Variants in POMT2 observed in about 807,000 individuals in gnomAD.
POMT2 encodes the protein protein O-mannosyl-transferase 2.
A neutral mutation model predicts 100.0 loss-of-function variants in POMT2; 75 were observed. That is an observed-to-expected ratio of 0.75 (90% CI 0.62 to 0.91). The LOEUF (loss-of-function observed/expected upper bound fraction) is 0.91, where lower values mean the gene tolerates loss of function less well. Among genes scored for constraint, POMT2 ranks in the 40% least tolerant of loss-of-function variants. The probability of loss-of-function intolerance (pLI) is 0.00; values close to 1 mark genes in which losing one functional copy is unlikely to be tolerated. For missense variants in POMT2, 940 were observed against 955.1 expected, an observed-to-expected ratio of 0.98 and a Z score of 0.21; for synonymous variants, 378 against 374.1, an observed-to-expected ratio of 1.01 and a Z score of -0.12.
chr14:77,284,840 C>A, intron 14 of POMT2, 110 bp downstream of exon 14: 1 of 936,528 alleles, frequency 1.1e-6, no homozygotes, highest in Admixed American at 2.0e-5. Flanking sequence ...AAGGAACAAA[C>A]AGCAGCAAGT....
chr14:77,293,985 T>C (rs1443774015), intron 9 of POMT2, among the ~76,000 whole-genome samples: 1 of 152,180 alleles, frequency 6.6e-6, no homozygotes, highest in Non-Finnish European at 1.5e-5. Context: ...TAGAATAATT[T>C]GGACAGCTTA....
At position 77,311,978 on chromosome 14, in the gene POMT2, A is replaced by G. The variant is rs1891449914; in HGVS notation, c.304T>C (p.Phe102Leu). 4 of 1,614,188 alleles carry G rather than the reference A, an allele frequency of 2.5e-6. No homozygotes were observed. The highest frequency in any genetic ancestry group is 3.4e-6 in the Non-Finnish European group (4 of 1,180,018). The change falls in exon 2 of 21, where the codon TTC becomes CTC. Residue 102 changes from phenylalanine to leucine, a missense_variant. Coordinates refer to ENST00000261534, the MANE Select transcript of POMT2 (RefSeq NM_013382.7). ...MGSYYINRTF[F>L]FDVHPPLGKM... ...CCCAGGGGCGGGTGCACATCAAAGAAAAATGTACGGTTGATATAGTAACTT... is the reference window on the plus strand; with the variant it reads ...CCCAGGGGCGGGTGCACATCAAAGAGAAATGTACGGTTGATATAGTAACTT...
chr14:77,297,016 C>T (rs1890856399), intron 8 of POMT2, among the ~76,000 whole-genome samples: 1 of 152,232 alleles, frequency 6.6e-6, no homozygotes, highest in African/African-American at 2.4e-5. Flanking sequence ...GGGCAAGTGC[C>T]CCACAAAGGC....
At chr14:77,291,289 A>C in intron 10 of POMT2, 25 bp downstream of exon 10, 9 of 1,606,132 alleles carry the variant, frequency 5.6e-6, no homozygotes, top group Non-Finnish European at 2.6e-6. Flanking sequence ...ACAGCACAAG[A>C]AGCATCAGTC....
chr14:77,285,315 G>A (rs771883783), intron 13 of POMT2, 166 bp downstream of exon 13: 4 of 939,694 alleles, frequency 4.3e-6, no homozygotes, highest in African/African-American at 1.7e-5. Flanking sequence ...CTCCCCCGGA[G>A]TTCTGTGCTC....
At chr14:77,280,541 T>C in intron 15 of POMT2, 78 bp from the exon 16 acceptor site, 1 of 1,608,300 alleles carries the variant, frequency 6.2e-7, no homozygotes, top group Non-Finnish European at 8.5e-7. Flanking sequence ...CAGGTTTTTC[T>C]GATATAGGGC....
intron 18 of POMT2, 105 bp from the exon 19 acceptor site, chr14:77,278,974 A>C (rs753126774): frequency 3.7e-5 from 52 of 1,415,590 alleles, no homozygotes; most frequent in Non-Finnish European, 4.7e-5. Flanking sequence ...TGAATATGTC[A>C]TATCACCTCA....
At chr14:77,282,276 C>A (rs539177804) in intron 15 of POMT2, among the ~76,000 whole-genome samples, 1 of 152,326 alleles carries the variant, frequency 6.6e-6, no homozygotes, top group African/African-American at 2.4e-5. Flanking sequence ...CTGCAACCAT[C>A]ACAGGCATAT....
Position 77,302,824 on chromosome 14 carries a change from G to A in POMT2, c.656+11C>T, listed in dbSNP as rs1468796612. The stretch of plus-strand genomic sequence containing the variant: ...TTCCAACCCTCCCCTCCCGGGGATG[G>A]AGTTTCTGACCTGTCGGCGCAAGAG... On this transcript the variant is annotated intron_variant, in intron 5 of 20. Coordinates refer to ENST00000261534, the MANE Select transcript of POMT2 (RefSeq NM_013382.7). The A allele has an allele frequency of 6.2e-7, 1 of 1,602,460 alleles. No individual in the cohort carries two copies. The highest frequency in any genetic ancestry group is 8.5e-7 in the Non-Finnish European group (1 of 1,170,032).
In POMT2 at chr14:77,285,339, A is replaced by G. The variant is rs183724448; in HGVS notation, c.1484+142T>C. The stretch of plus-strand genomic sequence containing the variant: ...AGTTCTGTGCTCCATAATACACCTG[A>G]TATCTACTCTCCCTCCATCTGCCAC... On this transcript the variant is annotated intron_variant, in intron 13 of 20. Coordinates refer to ENST00000261534, the MANE Select transcript of POMT2 (RefSeq NM_013382.7). 1,605 of 1,134,658 alleles carry G rather than the reference A, an allele frequency of 1.4e-3. 3 individuals are homozygous for G. Among genetic ancestry groups the G allele is most frequent in the Non-Finnish European group, 1.9e-3 (1,461 of 784,688 alleles). The allele number at this position is 1,134,658 out of a possible 1,614,324, so 70.3% of individuals were successfully genotyped here.
At chr14:77,312,710 T>A (rs1891483780) in intron 1 of POMT2, 1 of 152,152 alleles carries the variant, frequency 6.6e-6, no homozygotes, top group African/African-American at 2.4e-5. Context: ...AAAATTTAAA[T>A]TAAAAAAAGT....
intron 16 of POMT2, 29 bp downstream of exon 16, chr14:77,280,363 C>T: frequency 2.5e-6 from 4 of 1,613,994 alleles, no homozygotes; most frequent in Non-Finnish European, 3.4e-6. Context: ...GCTCCATTTC[C>T]TGGGAGGAGC....
At chr14:77,296,382 C>A (rs1890832766) in intron 8 of POMT2, 109 bp from the exon 9 acceptor site, 1 of 753,862 alleles carries the variant, frequency 1.3e-6, no homozygotes, top group East Asian at 2.7e-5. Context: ...CTGCGAGACT[C>A]CCCTGGGCCC....
At chr14:77,300,513 T>A (rs1890988034) in intron 6 of POMT2, 1 of 160,770 alleles carries the variant, frequency 6.2e-6, no homozygotes, top group African/African-American at 2.4e-5. Context: ...AGACCGTGGG[T>A]CAGGAAATGA....
intron 2 of POMT2, among the ~76,000 whole-genome samples, chr14:77,308,494 T>G (rs1891313299): frequency 6.6e-6 from 1 of 151,892 alleles, no homozygotes; most frequent in South Asian, 2.1e-4. Flanking sequence ...TAGCTAGGAT[T>G]ACAGGCACCT....
intron 1 of POMT2, 199 bp from the exon 2 acceptor site, chr14:77,312,232 A>C: frequency 1.2e-6 from 1 of 830,700 alleles, no homozygotes; most frequent in Non-Finnish European, 1.8e-6. Flanking sequence ...TCATTTAGAT[A>C]GATGAGAAAG....
At chr14:77,317,284 T>TAC (rs1246527148) in intron 1 of POMT2, among the ~76,000 whole-genome samples, 1 of 152,262 alleles carries the variant, frequency 6.6e-6, no homozygotes, top group Non-Finnish European at 1.5e-5. Context: ...CTCTCATCAG[T>TAC]ACCTTGCTAC....
In POMT2 at chr14:77,311,987, G is replaced by A. The variant is rs199719668; in HGVS notation, c.295C>T (p.Arg99Cys). The A allele has an allele frequency of 2.2e-5, 35 of 1,613,830 alleles. No individual in the cohort carries two copies. Among genetic ancestry groups the A allele is most frequent in the Non-Finnish European group, 2.5e-5 (30 of 1,179,958 alleles). ...FGKMGSYYIN[R>C]TFFFDVHPPL... ...GGGTGCACATCAAAGAAAAATGTAC[G>A]GTTGATATAGTAACTTCCCATTTTT... Residue 99 changes from arginine (R) to cysteine (C), a missense_variant, in exon 2 of 21, where the codon CGT becomes TGT. By Grantham distance (180) the Arg-to-Cys change is radical. Transcript: ENST00000261534.
rs1260013088 is a variant in POMT2, at chr14:77,278,437, G to A, written c.2104C>T (p.His702Tyr). The change falls in exon 20 of 21, where the codon CAT (histidine) becomes TAT (tyrosine). Residue 702 changes from histidine (H) to tyrosine (Y), a missense_variant. Coordinates refer to ENST00000261534, the MANE Select transcript of POMT2 (RefSeq NM_013382.7). Reference sequence around the variant, plus strand: ...AGCAGGCTCAGGATTCCCGCCACATGTATGCCCCTCGCCAGGGGCCATGAG... The same window carrying A: ...AGCAGGCTCAGGATTCCCGCCACATATATGCCCCTCGCCAGGGGCCATGAG... ...LASWPLARGI[H>Y]VAGILSLLLG... 1 of 1,498,270 alleles carries A rather than the reference G, an allele frequency of 6.7e-7. No homozygotes were observed. Among genetic ancestry groups the A allele is most frequent in the Middle Eastern group, 1.7e-4 (1 of 5,900 alleles). The allele number at this position is 1,498,270 out of a possible 1,614,324, so 92.8% of individuals were successfully genotyped here.
Sources: gnomAD v4.1 joint callset for allele counts (sites outside exome capture counted in the v4.1 genomes callset) on GRCh38, gnomAD v4.1.1 for gene constraint, MANE v1.5 for transcripts, NCBI Gene and HGNC (gene_info 2026-07-23, HGNC 2026-07-21) for gene names.